Variants in DACH2 observed in about 807,000 individuals in gnomAD.
DACH2 encodes the protein dachshund family transcription factor 2.
DACH2 carries 17 observed loss-of-function variants against 35.8 expected under a neutral mutation model. The observed-to-expected ratio is 0.48, with a 90% CI of 0.33 to 0.71. DACH2 has a LOEUF of 0.71. Ranked by LOEUF, DACH2 falls within the 30% of genes least tolerant of loss-of-function variation. The pLI, the probability that DACH2 is intolerant of heterozygous loss-of-function variation, is 0.02. For missense variants in DACH2, 469 were observed against 472.7 expected (o/e 0.99, Z 0.07); for synonymous variants, 195 against 177.3 (o/e 1.10, Z -0.79).
rs1443894471 is a variant in DACH2, at chrX:86,412,258, AC to A, written c.527+35397del. ...GCCAGGAGAATGTAATGTTGTGGGA[AC>A]GGAAAGCAAAAATTTTGCTAGTGGA... On this transcript the variant is annotated intron_variant, in intron 2 of 11. Transcript: ENST00000373125. Among the ~76,000 whole-genome samples, 9 of 111,444 alleles carry A rather than the reference AC, an allele frequency of 8.1e-5. No homozygotes were observed. The East Asian group carries it at 2.6e-3, about 32-fold the overall frequency.
At chrX:86,233,746 A>G (rs1443293944) in intron 1 of DACH2, among the ~76,000 whole-genome samples, 1 of 111,852 alleles carries the variant, frequency 8.9e-6, no homozygotes, top group Non-Finnish European at 1.9e-5. Flanking sequence ...GGGAGGCCTC[A>G]GAATTGTGGC....
intron 3 of DACH2, among the ~76,000 whole-genome samples, chrX:86,586,457 C>G (rs1335413872): frequency 6.3e-5 from 7 of 111,688 alleles, no homozygotes; most frequent in African/African-American, 1.9e-4. Context: ...ATTGCAATTG[C>G]TTTTGCCATC....
chrX:86,213,376 T>G (rs769785076), intron 1 of DACH2, among the ~76,000 whole-genome samples: 6 of 111,686 alleles, frequency 5.4e-5, no homozygotes, highest in African/African-American at 1.9e-4. Flanking sequence ...TTGTAATTAT[T>G]TTCTAATTAT....
intron 2 of DACH2, among the ~76,000 whole-genome samples, chrX:86,441,809 AC>A (rs2037166989): frequency 9.5e-6 from 1 of 105,769 alleles, no homozygotes. Flanking sequence ...AGCATTTGCT[AC>A]TCCTTGTTTA....
At chrX:86,821,404 A>G (rs2042510768) in intron 11 of DACH2, among the ~76,000 whole-genome samples, 2 of 111,408 alleles carry the variant, frequency 1.8e-5, no homozygotes, top group Non-Finnish European at 3.8e-5. Context: ...TGCAATGACA[A>G]TGATACAATG....
At chrX:86,535,578 AATAAG>A (rs1015157789) in intron 3 of DACH2, among the ~76,000 whole-genome samples, 4 of 111,314 alleles carry the variant, frequency 3.6e-5, no homozygotes. Context: ...ACACTGTAGC[AATAAG>A]ATACCAACTC....
At chrX:86,260,012 G>T (rs781730116) in intron 1 of DACH2, among the ~76,000 whole-genome samples, 3 of 110,679 alleles carry the variant, frequency 2.7e-5, no homozygotes, top group African/African-American at 9.8e-5. Context: ...GTTATGTAAT[G>T]AAACGAAAAC....
chrX:86,585,251 A>T (rs895312103), intron 3 of DACH2, among the ~76,000 whole-genome samples: 1 of 111,316 alleles, frequency 9.0e-6, no homozygotes, highest in South Asian at 3.7e-4. Flanking sequence ...ACAGTGGCTG[A>T]ACTAATTTAC....
intron 2 of DACH2, among the ~76,000 whole-genome samples, chrX:86,404,126 T>G (rs1398193666): frequency 9.0e-6 from 1 of 110,792 alleles, no homozygotes; most frequent in East Asian, 2.9e-4. Flanking sequence ...CCATTCAAGA[T>G]GAGATTTTTG....
chrX:86,314,383 G>A (rs770429868), intron 1 of DACH2, among the ~76,000 whole-genome samples: 1 of 110,694 alleles, frequency 9.0e-6, no homozygotes, highest in Non-Finnish European at 1.9e-5. Flanking sequence ...CTGAGCATAC[G>A]GGTTCATGCC....
intron 2 of DACH2, chrX:86,512,753 G>A (rs778429867): frequency 6.3e-5 from 14 of 223,204 alleles, no homozygotes; most frequent in East Asian, 5.5e-4. Context: ...GATATATTCC[G>A]ATGAACATTT....
intron 2 of DACH2, among the ~76,000 whole-genome samples, chrX:86,453,758 T>C (rs1401647827): frequency 8.9e-6 from 1 of 111,878 alleles, no homozygotes; most frequent in African/African-American, 3.2e-5. Flanking sequence ...GTCTTGGTTC[T>C]TTATCCAGCT....
chrX:86,548,733 A>G (rs1194554130), intron 3 of DACH2, among the ~76,000 whole-genome samples: 3 of 112,246 alleles, frequency 2.7e-5, no homozygotes, highest in Non-Finnish European at 3.8e-5. Flanking sequence ...TTATATGTCT[A>G]TCAACTTCTT....
chrX:86,462,111 GT>G (rs1158369541), intron 2 of DACH2, among the ~76,000 whole-genome samples: 2 of 110,482 alleles, frequency 1.8e-5, no homozygotes, highest in Non-Finnish European at 3.8e-5. Flanking sequence ...ACCGTTGTTG[GT>G]TTTTTATTTA....
At chrX:86,528,991 T>G (rs995277794) in intron 3 of DACH2, among the ~76,000 whole-genome samples, 5 of 111,933 alleles carry the variant, frequency 4.5e-5, no homozygotes, top group Non-Finnish European at 7.5e-5. Flanking sequence ...TACATTGGTG[T>G]TAACTGTAGT....
chrX:86,802,962 TACTTGGC>T (rs2042308996), intron 7 of DACH2, among the ~76,000 whole-genome samples: 1 of 112,355 alleles, frequency 8.9e-6, no homozygotes, highest in Admixed American at 9.5e-5. Context: ...GTTATAATGT[TACTTGGC>T]ACTCATAAAA....
At chrX:86,322,867 T>A (rs1479491000) in intron 1 of DACH2, among the ~76,000 whole-genome samples, 5 of 112,242 alleles carry the variant, frequency 4.5e-5, no homozygotes, top group Non-Finnish European at 9.4e-5. Flanking sequence ...TAGGAAAACA[T>A]AAGGGTCAAA....
intron 1 of DACH2, among the ~76,000 whole-genome samples, chrX:86,260,776 G>T (rs376221054): frequency 4.5e-4 from 47 of 104,129 alleles, no homozygotes; most frequent in East Asian, 3.7e-3. Flanking sequence ...TACATGGCTT[G>T]CTCTGGAGAC....
intron 3 of DACH2, among the ~76,000 whole-genome samples, chrX:86,516,807 G>A (rs2038475000): frequency 9.0e-6 from 1 of 110,960 alleles, no homozygotes; most frequent in Middle Eastern, 4.6e-3. Context: ...GTGAGAACAT[G>A]CGGTATTTGG....
Sources: gnomAD v4.1 joint callset for allele counts (sites outside exome capture counted in the v4.1 genomes callset) on GRCh38, gnomAD v4.1.1 for gene constraint, MANE v1.5 for transcripts, NCBI Gene and HGNC (gene_info 2026-07-23, HGNC 2026-07-21) for gene names.